Variants in NRXN2 observed in about 807,000 individuals in gnomAD.
NRXN2 encodes neurexin 2, also known as neurexin-2-beta.
A neutral mutation model predicts 128.8 loss-of-function variants in NRXN2; 29 were observed. That is an observed-to-expected ratio of 0.23 (90% CI 0.17 to 0.31). NRXN2 has a LOEUF of 0.31. NRXN2 is among the 10% of genes least tolerant of loss of function. The pLI is 1.00. For synonymous variants in NRXN2, 1,098 were observed against 1,075.2 expected, an observed-to-expected ratio of 1.02 and a Z score of -0.41; for missense variants, 1,881 against 2,452.6, an observed-to-expected ratio of 0.77 and a Z score of 4.92.
At position 64,635,726 on chromosome 11, in the gene NRXN2, C is replaced by A. The variant is rs1440003257; in HGVS notation, c.3404-274G>T. ...AAAATAGAGAGGTAATAGAGTGACA[C>A]AGAGAGAGAGCCCAGAGAGAAGCTG... On this transcript the variant is annotated intron_variant, in intron 17 of 22. Transcript: ENST00000265459. This position sits in a 1 kb window ranked among gnomAD's most constrained non-coding sequence, Gnocchi z 4.8. 2.6e-5 allele frequency among the ~76,000 whole-genome samples: 4 copies of A among 152,124 alleles called. No individual in the cohort carries two copies. Among genetic ancestry groups the A allele is most frequent in the African/African-American group, 7.2e-5 (3 of 41,416 alleles).
chr11:64,679,892 C>A (rs115281114), intron 6 of NRXN2, among the ~76,000 whole-genome samples: 126 of 152,250 alleles, frequency 8.3e-4, no homozygotes, highest in African/African-American at 2.9e-3. Flanking sequence ...GGACACAGCA[C>A]AGGGAAGGGG....
chr11:64,648,079 A>C lies in NRXN2; in HGVS notation c.3403+140T>G. 8.3e-7 allele frequency: 1 copy of C among 1,210,480 alleles called. No homozygotes were observed. The highest frequency in any genetic ancestry group is 1.2e-6 in the Non-Finnish European group (1 of 840,316). 75.0% of individuals were successfully genotyped at this position (1,210,480 alleles called of 1,614,324 possible). A position where few individuals can be genotyped will look rare whatever the true frequency, so the allele number is the denominator to read the frequency against. On this transcript the variant is annotated intron_variant, in intron 17 of 22. Coordinates refer to ENST00000265459, the MANE Select transcript of NRXN2 (RefSeq NM_015080.4). The surrounding 1 kb of genome is among the most constrained non-coding windows in gnomAD (Gnocchi z 4.1). ...GACAGCAGGCCACAGCTCCCCTGGGACTCTGCAGACAAGGGATGAGAAGGA... is the reference window on the plus strand; with the variant it reads ...GACAGCAGGCCACAGCTCCCCTGGGCCTCTGCAGACAAGGGATGAGAAGGA...
intron 11 of NRXN2, among the ~76,000 whole-genome samples, chr11:64,656,979 C>G (rs1235375367): frequency 6.6e-6 from 1 of 152,212 alleles, no homozygotes; most frequent in African/African-American, 2.4e-5. Flanking sequence ...ACCTAGTGGT[C>G]ACCCGCAGCC....
chr11:64,613,380 C>A (rs1157063006), intron 22 of NRXN2, among the ~76,000 whole-genome samples: 1 of 152,212 alleles, frequency 6.6e-6, no homozygotes, highest in Non-Finnish European at 1.5e-5. Flanking sequence ...TGAGCACCAG[C>A]GGTGCACCCC....
intron 5 of NRXN2, among the ~76,000 whole-genome samples, chr11:64,687,313 C>CG (rs568703818): frequency 0.017 from 2,528 of 151,746 alleles, 35 homozygotes; most frequent in Non-Finnish European, 0.024. Context: ...GGGGTGGTGG[C>CG]GGGGGGGGAG....
At position 64,667,203 on chromosome 11, in the gene NRXN2, G is replaced by T; in HGVS notation, c.1798+47C>A. ...AGACGGAGAGGATGTCAGGGCAGAT[G>T]GAAAGGGGTGGCCCATGGAAGGGGA... On this transcript the variant is annotated intron_variant, in intron 9 of 22. Transcript: ENST00000265459. The surrounding 1 kb of genome is among the most constrained non-coding windows in gnomAD (Gnocchi z 5.6). The T allele has an allele frequency of 6.3e-7, 1 of 1,591,262 alleles. No individual in the cohort carries two copies. Among genetic ancestry groups the T allele is most frequent in the Non-Finnish European group, 8.6e-7 (1 of 1,160,138 alleles).
At chr11:64,696,249 ACTCT>A (rs1323288299) in intron 3 of NRXN2, among the ~76,000 whole-genome samples, 2 of 151,810 alleles carry the variant, frequency 1.3e-5, no homozygotes, top group Non-Finnish European at 2.9e-5. Context: ...AGACACGCAG[ACTCT>A]CTCTGTGACA....
chr11:64,617,620 T>G (rs935508375), intron 22 of NRXN2, among the ~76,000 whole-genome samples: 1 of 152,048 alleles, frequency 6.6e-6, no homozygotes, highest in Non-Finnish European at 1.5e-5. Context: ...ATCTGCAAGG[T>G]GGGAGAGGTA....
chr11:64,694,436 A>G (rs2135593836), intron 3 of NRXN2, among the ~76,000 whole-genome samples: 1 of 152,352 alleles, frequency 6.6e-6, no homozygotes, highest in South Asian at 2.1e-4. Flanking sequence ...GGAGGACAGG[A>G]AGGACATGGC....
intron 22 of NRXN2, 72 bp downstream of exon 22, chr11:64,620,222 C>A (rs1366833484): frequency 3.2e-6 from 4 of 1,253,648 alleles, no homozygotes; most frequent in Non-Finnish European, 4.5e-6. Flanking sequence ...GGCCAGGTGG[C>A]AGGGACAGTC....
In NRXN2 at chr11:64,667,328, T is replaced by G. The variant is rs1431872889; in HGVS notation, c.1720A>C (p.Ile574Leu). 6.2e-7 allele frequency: 1 copy of G among 1,614,222 alleles called. No homozygotes were observed. The highest frequency in any genetic ancestry group is 1.7e-5 in the Admixed American group (1 of 60,028). The part of the protein sequence containing the change: ...YLLLDMGSGG[I>L]KLRASSRKVN... ...TTGCGGCTGGATGCCCGCAGCTTGA[T>G]GCCCCCAGATCCCATGTCCAGCAGA... Residue 574 changes from isoleucine to leucine, a missense_variant, in exon 9 of 23, where the codon ATC becomes CTC. Transcript: ENST00000265459. The surrounding 1 kb of genome is among the most constrained non-coding windows in gnomAD (Gnocchi z 5.6).
chr11:64,683,615 ATCTC>A (rs2052604860), intron 6 of NRXN2, among the ~76,000 whole-genome samples: 1 of 146,078 alleles, frequency 6.8e-6, no homozygotes, highest in Non-Finnish European at 1.5e-5. Context: ...GTGAGACTCC[ATCTC>A]AAAAAAAAAA....
chr11:64,620,812 C>A (rs1030439383), intron 21 of NRXN2, among the ~76,000 whole-genome samples: 4 of 150,846 alleles, frequency 2.7e-5, no homozygotes, highest in African/African-American at 7.3e-5. Flanking sequence ...TCCAGCTTCA[C>A]CACCCATCAC....
In NRXN2 at chr11:64,713,042, T is replaced by C; in HGVS notation, c.658A>G (p.Thr220Ala). 7.5e-7 allele frequency: 1 copy of C among 1,332,114 alleles called. No homozygotes were observed. The highest frequency in any genetic ancestry group is 9.5e-7 in the Non-Finnish European group (1 of 1,049,406). 82.5% of individuals were successfully genotyped at this position (1,332,114 alleles called of 1,614,324 possible). Residue 220 changes from threonine to alanine, a missense_variant, in exon 2 of 23, where the codon ACC becomes GCC. By Grantham distance (58) the Thr-to-Ala change is moderately conservative (BLOSUM62 0). Transcript: ENST00000265459. The stretch of plus-strand genomic sequence containing the variant: ...CCCACCTCGCCGGGGGCCAGCACGG[T>C]GCAGAGGCCGCCGTTGGCGCAGGGG... ...RNPCANGGLC[T>A]VLAPGEVGCD...
At chr11:64,682,053 G>T (rs768012658) in intron 6 of NRXN2, among the ~76,000 whole-genome samples, 23 of 151,244 alleles carry the variant, frequency 1.5e-4, no homozygotes, top group Non-Finnish European at 2.5e-4. Flanking sequence ...CTCCATCTTT[G>T]GGGGGCTACA....
chr11:64,653,282 C>G (rs572811444), intron 12 of NRXN2, among the ~76,000 whole-genome samples: 3 of 152,286 alleles, frequency 2.0e-5, no homozygotes, highest in African/African-American at 7.2e-5. Context: ...CCCCTTGTGG[C>G]CAATTCTGGA....
At chr11:64,629,627 G>A (rs1252934085) in intron 19 of NRXN2, among the ~76,000 whole-genome samples, 2 of 151,912 alleles carry the variant, frequency 1.3e-5, no homozygotes, top group African/African-American at 4.8e-5. Flanking sequence ...TTTGTCCTTG[G>A]CCGCCACAGC....
chr11:64,713,794 C>T lies in NRXN2; in HGVS notation c.-95G>A, dbSNP rs1411445937. 8 of 723,178 alleles carry T rather than the reference C, an allele frequency of 1.1e-5. No homozygotes were observed. Among genetic ancestry groups the T allele is most frequent in the African/African-American group, 1.9e-5 (1 of 51,882 alleles). The allele number at this position is 723,178 out of a possible 1,614,324, so 44.8% of individuals were successfully genotyped here. ...GCGGGAGGGGGCCGGGCGCTCCCCG[C>T]GCTGAGCGGGGCTCCCTTGCAGGCT... On this transcript the variant is annotated 5_prime_UTR_variant, in exon 2 of 23. Transcript: ENST00000265459.
chr11:64,660,265 CAG>C lies in NRXN2; in HGVS notation c.2389+65_2389+66del. On this transcript the variant is annotated intron_variant, in intron 11 of 22. Coordinates refer to ENST00000265459, the MANE Select transcript of NRXN2 (RefSeq NM_015080.4). This position sits in a 1 kb window ranked among gnomAD's most constrained non-coding sequence, Gnocchi z 5.2. ...TGGTGCCACCACCAGCTTCTCCAGACAGAGGCAGGTGTGGGTCAGAGACAAGG... is the reference window on the plus strand; with the variant it reads ...TGGTGCCACCACCAGCTTCTCCAGACAGGCAGGTGTGGGTCAGAGACAAGG... 1.9e-6 allele frequency: 3 copies of C among 1,552,454 alleles called. No individual in the cohort carries two copies. In the South Asian group the frequency reaches 3.3e-5, roughly 17 times the overall value.
Sources: allele counts gnomAD v4.1 joint callset (sites outside exome capture counted in the v4.1 genomes callset), GRCh38; gene constraint gnomAD v4.1.1; non-coding constraint Gnocchi (gnomAD v3.1); transcripts MANE v1.5; gene names NCBI Gene and HGNC (gene_info 2026-07-23, HGNC 2026-07-21).